Variants in BAIAP2 observed in about 807,000 individuals in gnomAD.
The protein encoded by BAIAP2 is BAR/IMD domain-containing adapter protein 2.
In BAIAP2, 18 loss-of-function variants were observed where a neutral mutation model predicts 63.0. The observed-to-expected ratio is 0.29, with a 90% confidence interval of 0.20 to 0.42. The LOEUF is 0.42. Among genes scored for constraint, BAIAP2 ranks in the 10% least tolerant of loss-of-function variants. BAIAP2 has a pLI of 1.00. For missense variants in BAIAP2, 610 were observed against 734.3 expected (o/e 0.83, Z 1.96); for synonymous variants, 386 against 307.6 (o/e 1.25, Z -2.67).
chr17:81,061,095 G>A (rs2050466935), intron 3 of BAIAP2, among the ~76,000 whole-genome samples: 1 of 152,256 alleles, frequency 6.6e-6, no homozygotes, highest in Admixed American at 6.5e-5. Context: ...TTGCGCTCCA[G>A]CCTGGGAGAC....
intron 6 of BAIAP2, among the ~76,000 whole-genome samples, chr17:81,089,702 CG>C (rs1441475779): frequency 6.6e-6 from 1 of 152,168 alleles, no homozygotes; most frequent in African/African-American, 2.4e-5. Context: ...CCCCGGAGCC[CG>C]GCAGGGTCAG....
rs148043131 is a variant in BAIAP2 at position 81,101,011 on chromosome 17, G to C, written c.642+931G>C. Reference sequence around the variant, plus strand: ...TCTGTTGAGGGCCCCTCCTTGGGCCGGTAGACTCTTGGCCCTGTGTTTCCC... The same window carrying C: ...TCTGTTGAGGGCCCCTCCTTGGGCCCGTAGACTCTTGGCCCTGTGTTTCCC... On this transcript the variant is annotated intron_variant, in intron 7 of 13. Coordinates refer to ENST00000428708, the MANE Select transcript of BAIAP2 (RefSeq NM_001144888.2). Among the ~76,000 whole-genome samples the C allele has an allele frequency of 5.0e-3, 765 of 152,200 alleles. 9 individuals are homozygous for C. The highest frequency in any genetic ancestry group is 0.012 in the South Asian group (58 of 4,826).
rs2060516071 is a variant in BAIAP2, at chr17:81,116,103, TCACATGGC to T, written c.*267_*274del. The T allele has an allele frequency of 1.9e-6, 3 of 1,543,792 alleles. No individual in the cohort carries two copies. The South Asian group carries it at 3.6e-5, about 19-fold the overall frequency. ...GCCTCTTGAGGGTACACGCCTCTGG[TCACATGGC>T]CATGGAGCCTTGGGTACCCCTGAGT... On this transcript the variant is annotated 3_prime_UTR_variant, in exon 14 of 14. Coordinates refer to ENST00000428708, the MANE Select transcript of BAIAP2 (RefSeq NM_001144888.2).
intron 13 of BAIAP2, among the ~76,000 whole-genome samples, chr17:81,115,189 C>T (rs1485164967): frequency 2.0e-5 from 3 of 152,234 alleles, no homozygotes; most frequent in African/African-American, 7.2e-5. Context: ...GTGGCTGAGC[C>T]CACAGCAGGT....
At chr17:81,057,750 C>G in intron 2 of BAIAP2, 131 bp from the exon 3 acceptor site, 1 of 1,415,162 alleles carries the variant, frequency 7.1e-7, no homozygotes, top group Non-Finnish European at 9.2e-7. Flanking sequence ...CACAGCGAGT[C>G]GAGTATTCTC....
At chr17:81,078,332 G>A (rs1284439738) in intron 3 of BAIAP2, among the ~76,000 whole-genome samples, 23 of 145,132 alleles carry the variant, frequency 1.6e-4, no homozygotes, top group Non-Finnish European at 9.0e-5. Context: ...TTGGGTGGGA[G>A]CCGGGCGCTG....
In BAIAP2 at chr17:81,057,977, C is replaced by CG; in HGVS notation, c.217+10_217+11insG. ...GGCTCCAAAGAACTCGGTGAGACCC[C>CG]CCCCCCCCCCCCGCCTGGTAGTCGC... On this transcript the variant is annotated intron_variant, in intron 3 of 13. Coordinates refer to ENST00000428708, the MANE Select transcript of BAIAP2 (RefSeq NM_001144888.2). 1 of 385,374 alleles carries CG rather than the reference C, an allele frequency of 2.6e-6. No individual in the cohort carries two copies. The highest frequency in any genetic ancestry group is 3.6e-6 in the Non-Finnish European group (1 of 279,438). The allele number at this position is 385,374 out of a possible 1,614,324, so 23.9% of individuals were successfully genotyped here. A position where few individuals can be genotyped will look rare whatever the true frequency, so the allele number is the denominator to read the frequency against.
chr17:81,049,094 G>C (rs4073045), intron 1 of BAIAP2, among the ~76,000 whole-genome samples: 7,086 of 152,336 alleles, frequency 0.047, 264 homozygotes, highest in Admixed American at 0.12. Flanking sequence ...CGGGAACGCG[G>C]CCCAGGGAGC....
intron 13 of BAIAP2, chr17:81,110,988 A>G (rs2059862161): frequency 1.2e-6 from 2 of 1,613,368 alleles, no homozygotes; most frequent in Non-Finnish European, 1.7e-6. Flanking sequence ...TCGTGCAGTC[A>G]CTGGCCTCTC....
intron 3 of BAIAP2, among the ~76,000 whole-genome samples, chr17:81,072,651 GCAGACACC>G (rs2052904372): frequency 6.6e-6 from 1 of 152,202 alleles, no homozygotes. Flanking sequence ...TTCAACCTTT[GCAGACACC>G]TGCGCCCAGA....
chr17:81,092,791 T>C (rs2056995012), intron 6 of BAIAP2, among the ~76,000 whole-genome samples: 1 of 152,144 alleles, frequency 6.6e-6, no homozygotes. Context: ...CCCGTCTGCC[T>C]GGAGGGAATG....
Position 81,072,660 on chromosome 17 carries a change from T to C in BAIAP2, c.218-12172T>C, listed in dbSNP as rs147406250. On this transcript the variant is annotated intron_variant, in intron 3 of 13. Transcript: ENST00000428708. ...GGGGTCTTCAACCTTTGCAGACACC[T>C]GCGCCCAGAGGCCACGCCTCCCACT... Among the ~76,000 whole-genome samples, 691 of 152,298 alleles carry C rather than the reference T, an allele frequency of 4.5e-3. 1 individual carries two copies. Among genetic ancestry groups the C allele is most frequent in the Non-Finnish European group, 7.5e-3 (513 of 68,022 alleles).
chr17:81,116,480 T>G lies in BAIAP2; in HGVS notation c.*641T>G. ...TCGGGCAGGCCCCAGCCCTCCTCCTTACCCAACCTCCCATCCAGAACCTTG... is the reference window on the plus strand; with the variant it reads ...TCGGGCAGGCCCCAGCCCTCCTCCTGACCCAACCTCCCATCCAGAACCTTG... On this transcript the variant is annotated 3_prime_UTR_variant, in exon 14 of 14. Transcript: ENST00000428708. 1 of 744,678 alleles carries G rather than the reference T, an allele frequency of 1.3e-6. No individual in the cohort carries two copies. The highest frequency in any genetic ancestry group is 2.1e-6 in the Non-Finnish European group (1 of 478,548). The allele number at this position is 744,678 out of a possible 1,614,324, so 46.1% of individuals were successfully genotyped here.
At chr17:81,086,352 T>C in intron 5 of BAIAP2, 91 bp from the exon 6 acceptor site, 1 of 1,519,950 alleles carries the variant, frequency 6.6e-7, no homozygotes, top group Non-Finnish European at 8.9e-7. Context: ...CCCCGTTGCG[T>C]TGGGCTCATG....
At chr17:81,109,907 G>A (rs140111697) in intron 13 of BAIAP2, 13,369 of 985,228 alleles carry the variant, frequency 0.014, 111 homozygotes, top group Non-Finnish European at 0.015. Flanking sequence ...GGGCCCGGCT[G>A]GGGGAGGGCA....
At chr17:81,086,662 T>G in intron 6 of BAIAP2, 82 bp downstream of exon 6, 5 of 1,520,222 alleles carry the variant, frequency 3.3e-6, no homozygotes, top group Non-Finnish European at 4.5e-6. Context: ...CCACAGGGAG[T>G]GGACAGCAGC....
In BAIAP2 at chr17:81,116,263, G is replaced by A; in HGVS notation, c.*424G>A. ...TGTCCGCCCAAGGGCCAGAAGGCCG[G>A]GAGCACGGGGATGGGAGCGCCCGCA... On this transcript the variant is annotated 3_prime_UTR_variant, in exon 14 of 14. Coordinates refer to ENST00000428708, the MANE Select transcript of BAIAP2 (RefSeq NM_001144888.2). The A allele has an allele frequency of 3.1e-6, 5 of 1,612,872 alleles. No homozygotes were observed. Among genetic ancestry groups the A allele is most frequent in the East Asian group, 2.2e-5 (1 of 44,894 alleles).
intron 1 of BAIAP2, among the ~76,000 whole-genome samples, chr17:81,052,481 G>T (rs188199276): frequency 1.6e-3 from 249 of 152,374 alleles, no homozygotes; most frequent in African/African-American, 5.3e-3. Flanking sequence ...TACCACCGGA[G>T]GGTCCAGTAT....
chr17:81,101,135 A>C (rs984409223), intron 7 of BAIAP2, among the ~76,000 whole-genome samples: 1 of 150,614 alleles, frequency 6.6e-6, no homozygotes, highest in African/African-American at 2.4e-5. Flanking sequence ...GGCGTCCCCC[A>C]GCACAGTCCT....
Sources: gnomAD v4.1 joint callset for allele counts (sites outside exome capture counted in the v4.1 genomes callset) on GRCh38, gnomAD v4.1.1 for gene constraint, MANE v1.5 for transcripts, NCBI Gene and HGNC (gene_info 2026-07-23, HGNC 2026-07-21) for gene names.